MYRIP: variants seen among roughly 807,000 people sequenced by gnomAD.
MYRIP encodes the protein myosin VIIA and Rab interacting protein.
A neutral mutation model predicts 98.0 loss-of-function variants in MYRIP; 49 were observed. That is an observed-to-expected ratio of 0.50 (90% CI 0.40 to 0.63). MYRIP has a LOEUF of 0.63. Among genes scored for constraint, MYRIP ranks in the 30% least tolerant of loss-of-function variants. The pLI is 0.00. For synonymous variants in MYRIP, 404 were observed against 409.5 expected, an observed-to-expected ratio of 0.99 and a Z score of 0.16; for missense variants, 1,004 against 1,058.2, an observed-to-expected ratio of 0.95 and a Z score of 0.71.
intron 2 of MYRIP, among the ~76,000 whole-genome samples, chr3:40,029,256 G>A (rs566517963): frequency 2.7e-4 from 41 of 152,206 alleles, no homozygotes; most frequent in African/African-American, 7.2e-4. Flanking sequence ...TATCACCTCT[G>A]TTCTGTCTCC....
intron 2 of MYRIP, among the ~76,000 whole-genome samples, chr3:40,006,423 G>T (rs1946637085): frequency 6.6e-6 from 1 of 152,138 alleles, no homozygotes; most frequent in Non-Finnish European, 1.5e-5. Flanking sequence ...GGTCCCCAGG[G>T]CAGTGAGGTA....
intron 11 of MYRIP, among the ~76,000 whole-genome samples, chr3:40,221,831 A>G (rs1313289494): frequency 6.6e-6 from 1 of 152,242 alleles, no homozygotes; most frequent in African/African-American, 2.4e-5. Context: ...CCAGGGGTAT[A>G]TTACAATGTA....
chr3:40,094,575 G>A (rs1948789252), intron 3 of MYRIP, among the ~76,000 whole-genome samples: 1 of 152,154 alleles, frequency 6.6e-6, no homozygotes, highest in Non-Finnish European at 1.5e-5. Flanking sequence ...GGAATCTCAT[G>A]TTTAGTCACC....
chr3:39,810,899 C>G (rs1319052573), intron 1 of MYRIP, among the ~76,000 whole-genome samples: 1 of 152,200 alleles, frequency 6.6e-6, no homozygotes, highest in African/African-American at 2.4e-5. Context: ...CTATCCGCTC[C>G]TAGAAAATGC....
intron 3 of MYRIP, among the ~76,000 whole-genome samples, chr3:40,081,187 G>A (rs1948471507): frequency 6.6e-6 from 1 of 152,042 alleles, no homozygotes; most frequent in Non-Finnish European, 1.5e-5. Flanking sequence ...TTTCACAGGT[G>A]CCTGAGGAGA....
At chr3:40,042,517 G>A (rs558832596) in intron 2 of MYRIP, among the ~76,000 whole-genome samples, 1 of 152,102 alleles carries the variant, frequency 6.6e-6, no homozygotes, top group East Asian at 1.9e-4. Context: ...GAATATATTT[G>A]CCACATCCAT....
intron 2 of MYRIP, among the ~76,000 whole-genome samples, chr3:39,976,537 G>A (rs145544585): frequency 0.21 from 31,847 of 152,020 alleles, 6,780 homozygotes; most frequent in African/African-American, 0.54. Flanking sequence ...CAGCCATCCC[G>A]TTACTGGGTA....
At chr3:40,098,024 T>C (rs1009218532) in intron 3 of MYRIP, among the ~76,000 whole-genome samples, 1 of 152,198 alleles carries the variant, frequency 6.6e-6, no homozygotes, top group Admixed American at 6.5e-5. Context: ...GCACTCCCTT[T>C]TAAATCAGAG....
At chr3:39,817,223 C>T (rs1383008290) in intron 1 of MYRIP, among the ~76,000 whole-genome samples, 1 of 152,110 alleles carries the variant, frequency 6.6e-6, no homozygotes, top group East Asian at 1.9e-4. Context: ...TGCTGACAGC[C>T]CTAAACCTGG....
intron 11 of MYRIP, chr3:40,232,883 C>T (rs1263283771): frequency 5.3e-5 from 8 of 152,196 alleles, no homozygotes; most frequent in African/African-American, 1.7e-4. Context: ...CCAACAGTGG[C>T]TTCAACAGAT....
At chr3:39,999,636 G>C (rs1465407736) in intron 2 of MYRIP, among the ~76,000 whole-genome samples, 1 of 152,110 alleles carries the variant, frequency 6.6e-6, no homozygotes, top group Non-Finnish European at 1.5e-5. Context: ...CAGGGATCTA[G>C]AACTAGAAAT....
At chr3:39,859,988 A>G (rs1235417614) in intron 1 of MYRIP, among the ~76,000 whole-genome samples, 2 of 152,244 alleles carry the variant, frequency 1.3e-5, no homozygotes, top group African/African-American at 4.8e-5. Flanking sequence ...CTTCTATTCA[A>G]CATAGTACTA....
Position 40,102,216 on chromosome 3 carries a change from TC to T in MYRIP, c.333-48831del, listed in dbSNP as rs370222214. On this transcript the variant is annotated intron_variant, in intron 3 of 16. Coordinates refer to ENST00000302541, the MANE Select transcript of MYRIP (RefSeq NM_015460.4). Reference sequence around the variant, plus strand: ...TGCTAACCTTTCTAAGGAGTAAACCTCAAGTCTTCTGAGATGAATGAGGGAA... The same window carrying T: ...TGCTAACCTTTCTAAGGAGTAAACCTAAGTCTTCTGAGATGAATGAGGGAA... Among the ~76,000 whole-genome samples, 960 of 152,294 alleles carry T rather than the reference TC, an allele frequency of 6.3e-3. 6 individuals are homozygous for T. Among genetic ancestry groups the T allele is most frequent in the Non-Finnish European group, 0.01 (713 of 68,010 alleles).
intron 3 of MYRIP, among the ~76,000 whole-genome samples, chr3:40,075,384 A>G (rs1352919923): frequency 1.3e-5 from 2 of 152,228 alleles, no homozygotes. Context: ...TTTAAAAATT[A>G]AGACATCCAT....
At chr3:40,098,740 T>TTGTGTGTGTGTG (rs3063561) in intron 3 of MYRIP, among the ~76,000 whole-genome samples, 9,699 of 135,098 alleles carry the variant, frequency 0.072, 508 homozygotes, top group South Asian at 0.11. Flanking sequence ...GTCTCTCTCA[T>TTGTGTGTGTGTG]TGTGTGTGTG....
chr3:40,133,107 T>A (rs1402170680), intron 3 of MYRIP, among the ~76,000 whole-genome samples: 2 of 152,234 alleles, frequency 1.3e-5, no homozygotes, highest in African/African-American at 4.8e-5. Context: ...GTGTGGTGCC[T>A]AGAGTGATGG....
intron 3 of MYRIP, among the ~76,000 whole-genome samples, chr3:40,047,000 GT>G (rs1398873291): frequency 2.6e-5 from 4 of 152,130 alleles, no homozygotes; most frequent in African/African-American, 9.7e-5. Flanking sequence ...TCTATTATTA[GT>G]TACAATTAAA....
chr3:39,882,397 A>T (rs1167343790), intron 1 of MYRIP, among the ~76,000 whole-genome samples: 2 of 152,200 alleles, frequency 1.3e-5, no homozygotes, highest in African/African-American at 4.8e-5. Flanking sequence ...TCTTATCACC[A>T]GTCTTAAGAT....
At chr3:40,200,423 A>G (rs746721517) in intron 10 of MYRIP, among the ~76,000 whole-genome samples, 3 of 152,086 alleles carry the variant, frequency 2.0e-5, no homozygotes, top group Non-Finnish European at 2.9e-5. Context: ...GCATAAATCC[A>G]ACAAAGTTTT....
Sources: gnomAD v4.1 joint callset for allele counts (sites outside exome capture counted in the v4.1 genomes callset) on GRCh38, gnomAD v4.1.1 for gene constraint, MANE v1.5 for transcripts, NCBI Gene and HGNC (gene_info 2026-07-23, HGNC 2026-07-21) for gene names.